CPB2: variants seen among roughly 807,000 people sequenced by gnomAD.
CPB2 encodes the protein carboxypeptidase B-like protein.
A neutral mutation model predicts 57.0 loss-of-function variants in CPB2; 54 were observed. The observed-to-expected ratio is 0.95, with a 90% confidence interval of 0.76 to 1.19. CPB2 has a LOEUF of 1.19. Among genes scored for constraint, CPB2 ranks in the 50% most tolerant of loss-of-function variants. The probability of loss-of-function intolerance (pLI) is 0.00; values close to 1 mark genes in which losing one functional copy is unlikely to be tolerated. For synonymous variants in CPB2, 189 were observed against 178.1 expected (o/e 1.06, Z -0.49); for missense variants, 426 against 512.0 (o/e 0.83, Z 1.62).
intron 1 of CPB2, among the ~76,000 whole-genome samples, chr13:46,104,030 C>T (rs912103559): frequency 1.3e-5 from 2 of 152,204 alleles, no homozygotes; most frequent in African/African-American, 2.4e-5. Context: ...CATGTACAAA[C>T]ACAGCTTCAG....
chr13:46,062,582 T>A (rs2044791313), intron 8 of CPB2, among the ~76,000 whole-genome samples: 1 of 152,204 alleles, frequency 6.6e-6, no homozygotes, highest in Non-Finnish European at 1.5e-5. Context: ...AATGATTCCC[T>A]GGAACCTAAG....
intron 4 of CPB2, 133 bp from the exon 5 acceptor site, chr13:46,079,034 G>A: frequency 3.4e-6 from 2 of 596,320 alleles, no homozygotes. Flanking sequence ...AAAGCACTTA[G>A]GGCAGGGTGT....
intron 1 of CPB2, chr13:46,097,391 C>T (rs1354777831): frequency 6.6e-6 from 1 of 152,178 alleles, no homozygotes; most frequent in East Asian, 1.9e-4. Context: ...ACCAGCTAGT[C>T]ACTGGGTGGT....
At chr13:46,079,551 A>AAAAAAAAAAG (rs2045078862) in intron 4 of CPB2, among the ~76,000 whole-genome samples, 74 of 124,706 alleles carry the variant, frequency 5.9e-4, no homozygotes, top group Non-Finnish European at 8.0e-4. Context: ...AAAAAAAAAA[A>AAAAAAAAAAG]AAAAGAAAAG....
chr13:46,103,627 C>T (rs1205730428), intron 1 of CPB2, among the ~76,000 whole-genome samples: 1 of 152,204 alleles, frequency 6.6e-6, no homozygotes, highest in Non-Finnish European at 1.5e-5. Context: ...GATAACATTT[C>T]TAAGTGACTA....
intron 1 of CPB2, among the ~76,000 whole-genome samples, chr13:46,093,819 CA>C (rs1323681454): frequency 6.6e-6 from 1 of 151,894 alleles, no homozygotes; most frequent in Non-Finnish European, 1.5e-5. Context: ...TCTATAGTAC[CA>C]ATAGGAGATA....
chr13:46,061,383 T>G (rs146913679), intron 8 of CPB2, among the ~76,000 whole-genome samples: 2 of 152,292 alleles, frequency 1.3e-5, no homozygotes, highest in African/African-American at 4.8e-5. Flanking sequence ...ATGAACTGAA[T>G]TGCATCCTCC....
At chr13:46,074,138 G>A (rs1311627157) in intron 5 of CPB2, among the ~76,000 whole-genome samples, 161 bp from the exon 6 acceptor site, 1 of 152,140 alleles carries the variant, frequency 6.6e-6, no homozygotes, top group African/African-American at 2.4e-5. Flanking sequence ...TTAAACACTG[G>A]TGATACTAAG....
chr13:46,089,681 G>A (rs1408357253), intron 1 of CPB2, among the ~76,000 whole-genome samples: 1 of 152,162 alleles, frequency 6.6e-6, no homozygotes, highest in Non-Finnish European at 1.5e-5. Context: ...CATAAGGGGA[G>A]AGGCTTCATG....
intron 8 of CPB2, among the ~76,000 whole-genome samples, chr13:46,058,911 C>T (rs1211360184): frequency 6.6e-6 from 1 of 152,188 alleles, no homozygotes; most frequent in Admixed American, 6.5e-5. Context: ...TTCATTCATT[C>T]CTTTGATAGA....
chr13:46,071,932 A>T lies in CPB2; in HGVS notation c.591+1941T>A, dbSNP rs183632780. 5.1e-3 allele frequency among the ~76,000 whole-genome samples: 770 copies of T among 152,272 alleles called. 5 individuals are homozygous for T. Among genetic ancestry groups the T allele is most frequent in the Non-Finnish European group, 7.1e-3 (483 of 68,028 alleles). ...TTTTCTAGGGCAGAGGTTTGGCAGG[A>T]GGTTAGCAGTGAGAAAAGCCATTTG... is the stretch of plus-strand genomic sequence containing the variant. On this transcript the variant is annotated intron_variant, in intron 6 of 10. Coordinates refer to ENST00000181383, the MANE Select transcript of CPB2 (RefSeq NM_001872.5).
chr13:46,091,516 TA>T (rs1218170575), intron 1 of CPB2, among the ~76,000 whole-genome samples: 1 of 152,198 alleles, frequency 6.6e-6, no homozygotes, highest in Non-Finnish European at 1.5e-5. Context: ...TTATCAGTTT[TA>T]AAAAACTCCT....
Position 46,102,592 on chromosome 13 carries a change from G to GCTT in CPB2, c.74+2343_74+2344insAAG, listed in dbSNP as rs759144981. 5.3e-3 allele frequency among the ~76,000 whole-genome samples: 614 copies of GCTT among 116,290 alleles called. 11 individuals are homozygous for GCTT. Among genetic ancestry groups the GCTT allele is most frequent in the Non-Finnish European group, 7.7e-3 (423 of 55,272 alleles). 76.3% of individuals were successfully genotyped at this position (116,290 alleles called of 152,430 possible). ...GCTTTAAGAAAAAGCCAGACTGTTA[G>GCTT]TTTTTTTTTTTTTTTTTAGAAGGGT... is the stretch of plus-strand genomic sequence containing the variant. On this transcript the variant is annotated intron_variant, in intron 1 of 10. Coordinates refer to ENST00000181383, the MANE Select transcript of CPB2 (RefSeq NM_001872.5).
At chr13:46,083,899 C>G (rs1256373991) in intron 3 of CPB2, among the ~76,000 whole-genome samples, 2 of 152,132 alleles carry the variant, frequency 1.3e-5, no homozygotes, top group African/African-American at 2.4e-5. Flanking sequence ...ATCAAAAAGC[C>G]TACCAAGGCA....
At chr13:46,066,103 A>G (rs1486539372) in intron 7 of CPB2, among the ~76,000 whole-genome samples, 1 of 151,756 alleles carries the variant, frequency 6.6e-6, no homozygotes, top group African/African-American at 2.4e-5. Flanking sequence ...TCTTCTGCAT[A>G]AATTACCTCC....
In CPB2 at chr13:46,093,226, C is replaced by A. The variant is rs17844177; in HGVS notation, c.75-5406G>T. Among the ~76,000 whole-genome samples the A allele has an allele frequency of 8.9e-3, 1,355 of 152,206 alleles. 19 individuals are homozygous for A. The highest frequency in any genetic ancestry group is 0.031 in the African/African-American group (1,304 of 41,516). On this transcript the variant is annotated intron_variant, in intron 1 of 10. Transcript: ENST00000181383. ...CCGCGCCCACCAAGGATAACTTTAA[C>A]AAGGGTGGAGGGTGGCTTTATTTTG...
intron 1 of CPB2, among the ~76,000 whole-genome samples, chr13:46,093,407 T>A (rs2045321977): frequency 6.6e-6 from 1 of 152,230 alleles, no homozygotes; most frequent in Admixed American, 6.5e-5. Context: ...AGATACATGT[T>A]CAAGGATGTG....
intron 4 of CPB2, among the ~76,000 whole-genome samples, chr13:46,080,971 C>CA (rs11412601): frequency 0.71 from 70,057 of 98,472 alleles, 23,881 homozygotes; most frequent in East Asian, 0.79. Flanking sequence ...AACTCTGTCT[C>CA]AAAAAAAAAA....
intron 3 of CPB2, 54 bp from the exon 4 acceptor site, chr13:46,082,603 C>T (rs1280560415): frequency 1.7e-6 from 2 of 1,150,258 alleles, no homozygotes; most frequent in Non-Finnish European, 2.6e-6. Context: ...TGGATCTTCC[C>T]ACATGGCCCA....
Sources: gnomAD v4.1 joint callset for allele counts (sites outside exome capture counted in the v4.1 genomes callset) on GRCh38, gnomAD v4.1.1 for gene constraint, MANE v1.5 for transcripts, NCBI Gene and HGNC (gene_info 2026-07-23, HGNC 2026-07-21) for gene names.